The following BIRC2 variants were observed in gnomAD, a reference collection of about 807,000 sequenced individuals.
The protein encoded by BIRC2 is baculoviral IAP repeat containing 2, also known as baculoviral IAP repeat-containing protein 2.
BIRC2 carries 18 observed loss-of-function variants against 60.9 expected under a neutral mutation model. The ratio of observed to expected loss-of-function variants is 0.30; its 90% CI spans 0.20 to 0.44. The LOEUF is 0.44. Among genes scored for constraint, BIRC2 ranks in the 20% least tolerant of loss-of-function variants. BIRC2 has a pLI of 1.00. For missense variants in BIRC2, 701 were observed against 728.5 expected (o/e 0.96, Z 0.43); for synonymous variants, 282 against 247.7 (o/e 1.14, Z -1.30).
In BIRC2 at chr11:102,349,594, C is replaced by A; in HGVS notation, c.-261C>A. 1 of 318,460 alleles carries A rather than the reference C, an allele frequency of 3.1e-6. No homozygotes were observed. Among genetic ancestry groups the A allele is most frequent in the Non-Finnish European group, 5.8e-6 (1 of 173,696 alleles). 19.7% of individuals were successfully genotyped at this position (318,460 alleles called of 1,614,324 possible). On this transcript the variant is annotated 5_prime_UTR_variant, in exon 2 of 9. Coordinates refer to ENST00000227758, the MANE Select transcript of BIRC2 (RefSeq NM_001166.5). ...CTTTCAGGGCTTTAAGTTAGTATTA[C>A]TCAAGATTATGAACAAATAGCACTT...
rs541324715 is a variant in BIRC2, at chr11:102,374,521, C to G, written c.1367-2975C>G. Reference sequence around the variant, plus strand: ...GGACCCACTTGAGGAGGCAGTCTGCCGGTTCTCAGATCTCCAGCTGCGTGC... The same window carrying G: ...GGACCCACTTGAGGAGGCAGTCTGCGGGTTCTCAGATCTCCAGCTGCGTGC... On this transcript the variant is annotated intron_variant, in intron 6 of 8. Coordinates refer to ENST00000227758, the MANE Select transcript of BIRC2 (RefSeq NM_001166.5). Among the ~76,000 whole-genome samples, 104 of 150,832 alleles carry G rather than the reference C, an allele frequency of 6.9e-4. 1 individual carries two copies. The South Asian group carries it at 0.02, about 29-fold the overall frequency.
At chr11:102,359,174 T>C (rs187339310) in intron 3 of BIRC2, among the ~76,000 whole-genome samples, 2 of 152,350 alleles carry the variant, frequency 1.3e-5, no homozygotes, top group African/African-American at 2.4e-5. Context: ...CTTATAGTTA[T>C]AGTAGTCTGT....
chr11:102,364,065 G>A (rs1277206763), intron 5 of BIRC2, among the ~76,000 whole-genome samples: 3 of 146,646 alleles, frequency 2.0e-5, no homozygotes, highest in Non-Finnish European at 4.5e-5. Flanking sequence ...AAAAAGGTAG[G>A]AATGAAAGTA....
At chr11:102,369,194 A>T (rs1951592068) in intron 6 of BIRC2, among the ~76,000 whole-genome samples, 1 of 149,306 alleles carries the variant, frequency 6.7e-6, no homozygotes, top group African/African-American at 2.5e-5. Context: ...TTTAAGTTTT[A>T]GGGTACATGT....
In BIRC2 at chr11:102,350,598, A is replaced by C; in HGVS notation, c.744A>C (p.Pro248=). 6.2e-7 allele frequency: 1 copy of C among 1,614,170 alleles called. No homozygotes were observed. Among genetic ancestry groups the C allele is most frequent in the Non-Finnish European group, 8.5e-7 (1 of 1,180,024 alleles). ...SEHRRHFPNC[P]FLENSLETLR... Reference sequence around the variant, plus strand: ...ACCGGAGGCATTTTCCCAACTGTCCATTTTTGGAAAATTCTCTAGAAACTC... The same window carrying C: ...ACCGGAGGCATTTTCCCAACTGTCCCTTTTTGGAAAATTCTCTAGAAACTC... Residue 248 remains proline (P), a synonymous_variant, in exon 2 of 9, where the codon CCA becomes CCC. Transcript: ENST00000227758.
chr11:102,353,949 A>C (rs1192516113), intron 3 of BIRC2, among the ~76,000 whole-genome samples: 1 of 152,016 alleles, frequency 6.6e-6, no homozygotes, highest in African/African-American at 2.4e-5. Flanking sequence ...TAGGACCCCC[A>C]TGTATACCAA....
At chr11:102,360,894 T>C (rs371745479) in intron 3 of BIRC2, among the ~76,000 whole-genome samples, 88 of 151,972 alleles carry the variant, frequency 5.8e-4, no homozygotes, top group African/African-American at 8.7e-4. Flanking sequence ...CATTGTGAAC[T>C]CCATGCAGCT....
At position 102,357,014 on chromosome 11, in the gene BIRC2, C is replaced by A. The variant is rs557926712; in HGVS notation, c.996-5882C>A. On this transcript the variant is annotated intron_variant, in intron 3 of 8. Transcript: ENST00000227758. ...TTCATTTTGTCAATGTGTGGTATCA[C>A]ATTTATTGATTTGCATATGTCATAC... Among the ~76,000 whole-genome samples the A allele has an allele frequency of 5.9e-5, 9 of 152,186 alleles. 1 individual carries two copies. Among genetic ancestry groups the A allele is most frequent in the Admixed American group, 4.6e-4 (7 of 15,276 alleles).
chr11:102,368,300 A>G lies in BIRC2; in HGVS notation c.1124-6A>G, dbSNP rs1401994154. On this transcript the variant is annotated splice_polypyrimidine_tract_variant and splice_region_variant and intron_variant, in intron 5 of 8. Coordinates refer to ENST00000227758, the MANE Select transcript of BIRC2 (RefSeq NM_001166.5). Reference sequence around the variant, plus strand: ...ATTTAATATTAGCATGTTTCTTTTCAAATAGTTATTCATTTTGGACCTGGA... The same window carrying G: ...ATTTAATATTAGCATGTTTCTTTTCGAATAGTTATTCATTTTGGACCTGGA... 4.4e-6 allele frequency: 7 copies of G among 1,607,448 alleles called. No individual in the cohort carries two copies. Among genetic ancestry groups the G allele is most frequent in the Non-Finnish European group, 5.9e-6 (7 of 1,176,980 alleles).
Position 102,373,293 on chromosome 11 carries a change from C to G in BIRC2, c.1367-4203C>G, listed in dbSNP as rs555945600. On this transcript the variant is annotated intron_variant, in intron 6 of 8. Coordinates refer to ENST00000227758, the MANE Select transcript of BIRC2 (RefSeq NM_001166.5). The stretch of plus-strand genomic sequence containing the variant: ...GTCTTTACATTTTGGCATGATTTTG[C>G]AGCTGCTGGTACCGGTTGTTCCTTT... Among the ~76,000 whole-genome samples the G allele has an allele frequency of 3.6e-4, 55 of 152,304 alleles. No individual in the cohort carries two copies. In the East Asian group the frequency reaches 5.4e-3, roughly 15 times the overall value.
chr11:102,347,238 T>TGGGGCGGCGGGCTTCG lies in BIRC2; in HGVS notation c.-1393_-1378dup, dbSNP rs1044420947. 1 of 152,268 alleles carries TGGGGCGGCGGGCTTCG rather than the reference T, an allele frequency of 6.6e-6. No individual in the cohort carries two copies. Among genetic ancestry groups the TGGGGCGGCGGGCTTCG allele is most frequent in the Non-Finnish European group, 1.5e-5 (1 of 68,068 alleles). The allele number at this position is 152,268 out of a possible 1,614,324, so 9.4% of individuals were successfully genotyped here. A position where few individuals can be genotyped will look rare whatever the true frequency, so the allele number is the denominator to read the frequency against. On this transcript the variant is annotated 5_prime_UTR_variant, in exon 1 of 9. An upstream open reading frame in the 5' UTR loses its in-frame stop. Transcript: ENST00000227758. ...CATCGTGCGTCAGAGTGAGCCCGGA[T>TGGGGCGGCGGGCTTCG]GGGGCGGCGGGCTTCGGGAGCGCCC... is the stretch of plus-strand genomic sequence containing the variant.
At chr11:102,356,399 T>A (rs1951421992) in intron 3 of BIRC2, among the ~76,000 whole-genome samples, 1 of 151,868 alleles carries the variant, frequency 6.6e-6, no homozygotes, top group Admixed American at 6.6e-5. Flanking sequence ...CGTTTCACCA[T>A]GTTGGCCAGG....
Position 102,348,765 on chromosome 11 carries a change from G to A in BIRC2, c.-1090G>A, listed in dbSNP as rs1450744173. The A allele has an allele frequency of 5.4e-6, 2 of 373,464 alleles. No homozygotes were observed. The highest frequency in any genetic ancestry group is 2.1e-5 in the South Asian group (1 of 48,320). The allele number at this position is 373,464 out of a possible 1,614,324, so 23.1% of individuals were successfully genotyped here. The stretch of plus-strand genomic sequence containing the variant: ...ACATTGAAGAGTTTTCAGAAAGAAG[G>A]CTAGTAGAGTTGATTACTGATACTT... On this transcript the variant is annotated 5_prime_UTR_variant, in exon 2 of 9. Coordinates refer to ENST00000227758, the MANE Select transcript of BIRC2 (RefSeq NM_001166.5).
At chr11:102,357,477 A>G (rs1202430091) in intron 3 of BIRC2, among the ~76,000 whole-genome samples, 1 of 152,116 alleles carries the variant, frequency 6.6e-6, no homozygotes, top group Non-Finnish European at 1.5e-5. Flanking sequence ...CTTACTAGTT[A>G]TAAGTCTTTT....
chr11:102,368,707 G>T (rs892499066), intron 6 of BIRC2, among the ~76,000 whole-genome samples, 159 bp downstream of exon 6: 2 of 151,928 alleles, frequency 1.3e-5, no homozygotes, highest in Non-Finnish European at 2.9e-5. Flanking sequence ...CCTTTCAATT[G>T]CTTCTAGTTG....
intron 3 of BIRC2, among the ~76,000 whole-genome samples, chr11:102,361,999 T>C (rs973851226): frequency 3.3e-5 from 5 of 152,224 alleles, no homozygotes; most frequent in Non-Finnish European, 5.9e-5. Context: ...TTGCAAACTT[T>C]CAGTCTGCGG....
In BIRC2 at chr11:102,352,365, C is replaced by T. The variant is rs181421797; in HGVS notation, c.995+1422C>T. Among the ~76,000 whole-genome samples the T allele has an allele frequency of 2.5e-3, 383 of 152,166 alleles. 1 individual carries two copies. The highest frequency in any genetic ancestry group is 4.1e-3 in the Non-Finnish European group (280 of 67,994). ...TCCTGACCTCGTGATCCACCCACCT[C>T]AGCCTCCCAAAGTGCTGGGATTACA... On this transcript the variant is annotated intron_variant, in intron 3 of 8. Coordinates refer to ENST00000227758, the MANE Select transcript of BIRC2 (RefSeq NM_001166.5).
chr11:102,372,418 C>T lies in BIRC2; in HGVS notation c.1366+3870C>T, dbSNP rs547005418. The stretch of plus-strand genomic sequence containing the variant: ...AACATCTTTATTTCTGCCTTCATTT[C>T]GTTATGTACCCAGTAGTCATTCAGG... On this transcript the variant is annotated intron_variant, in intron 6 of 8. Transcript: ENST00000227758. 3.2e-3 allele frequency among the ~76,000 whole-genome samples: 494 copies of T among 152,234 alleles called. 4 individuals carry two copies. The highest frequency in any genetic ancestry group is 0.011 in the African/African-American group (463 of 41,516).
chr11:102,367,046 C>T (rs1400170729), intron 5 of BIRC2, among the ~76,000 whole-genome samples: 2 of 152,114 alleles, frequency 1.3e-5, no homozygotes, highest in Non-Finnish European at 2.9e-5. Flanking sequence ...CCTTTTTCCC[C>T]CCAGTATTAA....
Sources: gnomAD v4.1 joint callset for allele counts (sites outside exome capture counted in the v4.1 genomes callset) on GRCh38, gnomAD v4.1.1 for gene constraint, MANE v1.5 for transcripts, NCBI Gene and HGNC (gene_info 2026-07-23, HGNC 2026-07-21) for gene names.